The following EFHB variants were observed in gnomAD, a reference collection of about 807,000 sequenced individuals.
The protein encoded by EFHB is EF-hand domain-containing family member B.
In EFHB, 91 loss-of-function variants were observed where a neutral mutation model predicts 87.2. The observed-to-expected ratio is 1.04, with a 90% CI of 0.88 to 1.24. EFHB has a LOEUF of 1.24. EFHB is among the 50% of genes most tolerant of loss of function. The pLI, the probability that EFHB is intolerant of heterozygous loss-of-function variation, is 0.00. For missense variants in EFHB, 1,084 were observed against 998.8 expected, an observed-to-expected ratio of 1.09 and a Z score of -1.15; for synonymous variants, 325 against 333.6, an observed-to-expected ratio of 0.97 and a Z score of 0.28.
chr3:19,940,419 C>T, intron 1 of EFHB: 1 of 448,120 alleles, frequency 2.2e-6, no homozygotes, highest in Non-Finnish European at 4.5e-6. Flanking sequence ...CAAATTCTTC[C>T]TTCTCAACAG....
chr3:19,943,048 C>T (rs1255677277), intron 1 of EFHB: 3 of 324,258 alleles, frequency 9.3e-6, no homozygotes, highest in South Asian at 3.4e-5. Context: ...AGGGCCAATG[C>T]TTCATATCAG....
chr3:19,945,769 G>T (rs2125173656), intron 1 of EFHB: 1 of 152,212 alleles, frequency 6.6e-6, no homozygotes. Flanking sequence ...CGTTCTTCTG[G>T]CAACTAGGTA....
chr3:19,935,964 C>T (rs557829937), upstream of EFHB, among the ~76,000 whole-genome samples: 3 of 120,742 alleles, frequency 2.5e-5, no homozygotes, highest in Non-Finnish European at 4.8e-5. Flanking sequence ...AAGCCGAGAT[C>T]ACACCACTGC....
chr3:19,926,333 T>G (rs576670179), intron 1 of EFHB, among the ~76,000 whole-genome samples: 3,437 of 65,766 alleles, frequency 0.052, 115 homozygotes, highest in African/African-American at 0.13. Context: ...TTGGTTTTTT[T>G]GGGGTTTTTT....
intron 3 of EFHB, among the ~76,000 whole-genome samples, chr3:19,918,853 G>A (rs566504330): frequency 1.1e-4 from 16 of 150,322 alleles, no homozygotes; most frequent in Non-Finnish European, 1.6e-4. Flanking sequence ...GCTGGCACAC[G>A]CCTGTAGTCC....
chr3:19,939,271 T>C (rs1696093580), intron 1 of EFHB, among the ~76,000 whole-genome samples: 2 of 150,512 alleles, frequency 1.3e-5, no homozygotes, highest in South Asian at 2.1e-4. Flanking sequence ...TTCCAACTCA[T>C]CCTCTGCCCT....
intron 1 of EFHB, among the ~76,000 whole-genome samples, chr3:19,939,598 A>C (rs894401551): frequency 6.6e-6 from 1 of 151,526 alleles, no homozygotes; most frequent in Non-Finnish European, 1.5e-5. Flanking sequence ...GTTAGCCAGG[A>C]TGGTCTCTAT....
chr3:19,939,278 C>G (rs947551000), intron 1 of EFHB, among the ~76,000 whole-genome samples: 3 of 151,780 alleles, frequency 2.0e-5, no homozygotes, highest in Admixed American at 6.6e-5. Context: ...TCATCCTCTG[C>G]CCTCCTTGCC....
At chr3:19,908,401 C>A (rs537272513) in intron 5 of EFHB, among the ~76,000 whole-genome samples, 1 of 151,784 alleles carries the variant, frequency 6.6e-6, no homozygotes, top group African/African-American at 2.4e-5. Flanking sequence ...GGCATGGTGG[C>A]GGGCGCCTGT....
intron 8 of EFHB, among the ~76,000 whole-genome samples, chr3:19,898,297 T>G (rs1018155779): frequency 6.6e-6 from 1 of 152,242 alleles, no homozygotes; most frequent in Non-Finnish European, 1.5e-5. Context: ...CATATTTGAA[T>G]GTGCTTAAAA....
chr3:19,901,343 A>G (rs1694663418), intron 6 of EFHB, among the ~76,000 whole-genome samples: 1 of 152,218 alleles, frequency 6.6e-6, no homozygotes, highest in Non-Finnish European at 1.5e-5. Flanking sequence ...GTAAAATTAC[A>G]ACACTACTAT....
chr3:19,903,343 T>C (rs1235917011), intron 6 of EFHB, among the ~76,000 whole-genome samples: 3 of 152,218 alleles, frequency 2.0e-5, no homozygotes, highest in Non-Finnish European at 4.4e-5. Context: ...ATATTTGCTC[T>C]GCTCTTAGGA....
chr3:19,881,349 G>A (rs1398455832), intron 12 of EFHB, among the ~76,000 whole-genome samples: 1 of 152,108 alleles, frequency 6.6e-6, no homozygotes, highest in Non-Finnish European at 1.5e-5. Context: ...CATGTCTACT[G>A]AAATCTATCC....
chr3:19,945,913 A>G (rs922469230), intron 1 of EFHB: 1 of 152,196 alleles, frequency 6.6e-6, no homozygotes, highest in Non-Finnish European at 1.5e-5. Flanking sequence ...AGAGCTATAC[A>G]TTGTAAACTG....
intron 5 of EFHB, among the ~76,000 whole-genome samples, chr3:19,909,790 A>G (rs1694994085): frequency 6.6e-6 from 1 of 152,150 alleles, no homozygotes; most frequent in African/African-American, 2.4e-5. Context: ...GGAGGCCGCC[A>G]TTCCAGGCCC....
upstream of EFHB, among the ~76,000 whole-genome samples, chr3:19,934,391 GC>G (rs63724960): frequency 0.67 from 86,474 of 129,524 alleles, 28,162 homozygotes; most frequent in African/African-American, 0.73. Context: ...GTTTCTCTCT[GC>G]CCCCCCTTCT....
chr3:19,893,831 TGA>T (rs1206382368), intron 9 of EFHB, among the ~76,000 whole-genome samples: 13 of 152,200 alleles, frequency 8.5e-5, no homozygotes, highest in African/African-American at 3.1e-4. Flanking sequence ...TTGGACTTAC[TGA>T]CCTTATGCAG....
chr3:19,926,739 C>A (rs1276851015), intron 1 of EFHB, among the ~76,000 whole-genome samples: 2 of 151,724 alleles, frequency 1.3e-5, no homozygotes, highest in Admixed American at 1.3e-4. Flanking sequence ...CAGCTCACAG[C>A]AACCTCCGCC....
At chr3:19,906,729 A>G (rs1262676670) in intron 5 of EFHB, among the ~76,000 whole-genome samples, 4 of 152,032 alleles carry the variant, frequency 2.6e-5, no homozygotes, top group Non-Finnish European at 5.9e-5. Context: ...TTTATATAGA[A>G]CCACAAAAGG....
Sources: gnomAD v4.1 joint callset for allele counts (sites outside exome capture counted in the v4.1 genomes callset) on GRCh38, gnomAD v4.1.1 for gene constraint, MANE v1.5 for transcripts, NCBI Gene and HGNC (gene_info 2026-07-23, HGNC 2026-07-21) for gene names.